NRCAM: variants seen among roughly 807,000 people sequenced by gnomAD.
NRCAM encodes the protein NgCAM-related cell adhesion molecule.
NRCAM carries 83 observed loss-of-function variants against 156.5 expected under a neutral mutation model. The ratio of observed to expected loss-of-function variants is 0.53; its 90% CI spans 0.44 to 0.64. NRCAM has a LOEUF of 0.64. Ranked by LOEUF, NRCAM falls within the 30% of genes least tolerant of loss-of-function variation. NRCAM has a pLI of 0.00. For synonymous variants in NRCAM, 538 were observed against 563.9 expected (o/e 0.95, Z 0.65); for missense variants, 1,417 against 1,597.3 (o/e 0.89, Z 1.92).
chr7:108,185,244 C>T (rs1405874140), intron 20 of NRCAM, among the ~76,000 whole-genome samples: 2 of 152,160 alleles, frequency 1.3e-5, no homozygotes, highest in Non-Finnish European at 2.9e-5. Context: ...AAGGCGCATA[C>T]TAAATTTCAC....
chr7:108,253,339 T>A (rs1188842674), intron 3 of NRCAM, among the ~76,000 whole-genome samples: 3 of 152,048 alleles, frequency 2.0e-5, no homozygotes, highest in Non-Finnish European at 4.4e-5. Flanking sequence ...GTAAGATGTA[T>A]CCAATTGTGT....
At chr7:108,239,299 T>C (rs187903000) in intron 4 of NRCAM, among the ~76,000 whole-genome samples, 187 of 152,304 alleles carry the variant, frequency 1.2e-3, no homozygotes, top group Middle Eastern at 3.4e-3. Context: ...GCATATTACT[T>C]GTATTTTTAG....
intron 30 of NRCAM, among the ~76,000 whole-genome samples, chr7:108,160,751 G>A (rs1353144151): frequency 1.3e-5 from 2 of 152,248 alleles, no homozygotes; most frequent in South Asian, 2.1e-4. Flanking sequence ...TGAACACTGT[G>A]TTCACAGTTA....
At chr7:108,287,593 TA>T (rs1185796519) in intron 3 of NRCAM, among the ~76,000 whole-genome samples, 1 of 152,050 alleles carries the variant, frequency 6.6e-6, no homozygotes, top group Admixed American at 6.6e-5. Flanking sequence ...TCAACATCAC[TA>T]ATCATAAAAA....
chr7:108,150,592 T>C (rs1397922652), intron 32 of NRCAM: 1 of 473,290 alleles, frequency 2.1e-6, no homozygotes, highest in Admixed American at 2.8e-5. Context: ...TGGTTAAGTG[T>C]GAAATGTGGA....
chr7:108,435,252 A>G (rs1830653594), intron 1 of NRCAM, among the ~76,000 whole-genome samples: 1 of 152,226 alleles, frequency 6.6e-6, no homozygotes, highest in Admixed American at 6.5e-5. Context: ...GAAAAGATCG[A>G]TACCTGAAAT....
intron 3 of NRCAM, among the ~76,000 whole-genome samples, chr7:108,266,180 T>C (rs993442625): frequency 1.3e-5 from 2 of 152,260 alleles, no homozygotes; most frequent in Non-Finnish European, 2.9e-5. Flanking sequence ...TGAGGCTTTA[T>C]GCTTCTCAAA....
chr7:108,311,551 T>G lies in NRCAM; in HGVS notation c.-107+1114A>C, dbSNP rs186113961. On this transcript the variant is annotated intron_variant, in intron 3 of 32. Coordinates refer to ENST00000379028, the MANE Select transcript of NRCAM (RefSeq NM_001037132.4). ...GCTAGTCTCTGCTAATTTTCACTTT[T>G]CAGGGACTGTTCAAGCAGAACAAAA... 2.7e-3 allele frequency among the ~76,000 whole-genome samples: 411 copies of G among 152,302 alleles called. 1 individual carries two copies. The highest frequency in any genetic ancestry group is 9.3e-3 in the African/African-American group (388 of 41,540).
intron 2 of NRCAM, among the ~76,000 whole-genome samples, chr7:108,384,324 A>C (rs2099726164): frequency 6.6e-6 from 1 of 152,154 alleles, no homozygotes; most frequent in African/African-American, 2.4e-5. Context: ...AACAAAAACA[A>C]AACCAAAAAC....
chr7:108,168,162 T>C (rs2056038604), intron 29 of NRCAM, 115 bp downstream of exon 29: 34 of 1,116,646 alleles, frequency 3.0e-5, no homozygotes, highest in Non-Finnish European at 4.0e-5. Flanking sequence ...CTCATTCATT[T>C]AATTGGATCA....
intron 13 of NRCAM, among the ~76,000 whole-genome samples, chr7:108,199,883 A>T (rs552694020): frequency 5.8e-4 from 89 of 152,274 alleles, no homozygotes; most frequent in African/African-American, 1.4e-3. Context: ...TCTACCACAT[A>T]CTGTATCACA....
intron 32 of NRCAM, among the ~76,000 whole-genome samples, chr7:108,153,311 A>G (rs1049963682): frequency 8.5e-5 from 13 of 152,158 alleles, no homozygotes; most frequent in Admixed American, 7.2e-4. Flanking sequence ...ATCAATTCAT[A>G]TAATTCATTA....
chr7:108,432,806 A>T (rs1434603976), intron 1 of NRCAM, among the ~76,000 whole-genome samples: 3 of 152,018 alleles, frequency 2.0e-5, no homozygotes, highest in Non-Finnish European at 4.4e-5. Context: ...GAAGCATGAG[A>T]CAGGAGGATG....
chr7:108,392,626 C>T (rs983776508), intron 2 of NRCAM, among the ~76,000 whole-genome samples: 1 of 152,130 alleles, frequency 6.6e-6, no homozygotes, highest in Admixed American at 6.6e-5. Context: ...GAGCTGTGTT[C>T]CTTTGGAGAA....
At chr7:108,164,589 A>G (rs976553515) in intron 30 of NRCAM, among the ~76,000 whole-genome samples, 4 of 151,996 alleles carry the variant, frequency 2.6e-5, no homozygotes, top group African/African-American at 7.3e-5. Context: ...CAGGAGCAGG[A>G]GCAGGGGCAG....
intron 3 of NRCAM, among the ~76,000 whole-genome samples, chr7:108,281,333 G>A (rs1374623593): frequency 2.0e-5 from 3 of 151,486 alleles, no homozygotes; most frequent in African/African-American, 4.9e-5. Flanking sequence ...CAACACTGTG[G>A]GCAATAAAAA....
At chr7:108,311,402 G>A (rs976860245) in intron 3 of NRCAM, among the ~76,000 whole-genome samples, 1 of 151,998 alleles carries the variant, frequency 6.6e-6, no homozygotes, top group African/African-American at 2.4e-5. Context: ...AGAGGAGAGG[G>A]GTACATAAAA....
intron 32 of NRCAM, among the ~76,000 whole-genome samples, chr7:108,151,639 C>T (rs1008219108): frequency 1.3e-5 from 2 of 152,160 alleles, no homozygotes; most frequent in African/African-American, 4.8e-5. Context: ...TATATTTTCA[C>T]CACTGCTAAT....
intron 2 of NRCAM, among the ~76,000 whole-genome samples, chr7:108,338,551 TGAGAGA>T (rs111958591): frequency 6.8e-6 from 1 of 146,434 alleles, no homozygotes; most frequent in African/African-American, 2.6e-5. Context: ...GAGAGGAAAG[TGAGAGA>T]GAGAGAGACA....
Sources: allele counts gnomAD v4.1 joint callset (sites outside exome capture counted in the v4.1 genomes callset), GRCh38; gene constraint gnomAD v4.1.1; transcripts MANE v1.5; gene names NCBI Gene and HGNC (gene_info 2026-07-23, HGNC 2026-07-21).